Variants in BTBD9 observed in about 807,000 individuals in gnomAD.
The protein encoded by BTBD9 is BTB/POZ domain-containing protein 9.
BTBD9 carries 49 observed loss-of-function variants against 64.3 expected under a neutral mutation model. That is an observed-to-expected ratio of 0.76 (90% CI 0.61 to 0.97). The LOEUF is 0.97. Ranked by LOEUF, BTBD9 falls within the 50% of genes least tolerant of loss-of-function variation. The pLI is 0.00. For missense variants in BTBD9, 598 were observed against 762.1 expected, an observed-to-expected ratio of 0.78 and a Z score of 2.53; for synonymous variants, 260 against 274.7, an observed-to-expected ratio of 0.95 and a Z score of 0.53.
chr6:38,577,782 C>T (rs917877000), intron 5 of BTBD9, 63 bp from the exon 6 acceptor site: 15 of 1,453,686 alleles, frequency 1.0e-5, no homozygotes, highest in African/African-American at 1.4e-5. Flanking sequence ...CAAAGCTGTA[C>T]TTTAATAAAG....
chr6:38,612,050 C>T (rs1185663061), intron 1 of BTBD9, among the ~76,000 whole-genome samples: 2 of 152,196 alleles, frequency 1.3e-5, no homozygotes, highest in Non-Finnish European at 1.5e-5. Context: ...AAAATCTCTA[C>T]ATATCACTAT....
At chr6:38,588,086 G>A in intron 4 of BTBD9, 1 of 731,030 alleles carries the variant, frequency 1.4e-6, no homozygotes, top group Non-Finnish European at 2.5e-6. Flanking sequence ...CCAGCAACAG[G>A]CTAGCTATGG....
At chr6:38,344,425 ATGACAATTCAAAAG>A (rs200733346) in intron 7 of BTBD9, among the ~76,000 whole-genome samples, 2,049 of 152,346 alleles carry the variant, frequency 0.013, 79 homozygotes, top group South Asian at 0.12. Flanking sequence ...GACTTTTGCA[ATGACAATTCAAAAG>A]TGACAATTCA....
chr6:38,202,086 T>G (rs1285187292), intron 9 of BTBD9, among the ~76,000 whole-genome samples: 115 of 57,892 alleles, frequency 2.0e-3, no homozygotes, highest in African/African-American at 0.01. Context: ...GTTTTTTTTG[T>G]TTTTTTTTTT....
At chr6:38,603,526 T>C (rs1449878072) in intron 1 of BTBD9, among the ~76,000 whole-genome samples, 1 of 152,260 alleles carries the variant, frequency 6.6e-6, no homozygotes, top group Non-Finnish European at 1.5e-5. Flanking sequence ...AAAAACCAAG[T>C]TGACCCAAAC....
At chr6:38,396,631 C>A (rs910634015) in intron 6 of BTBD9, among the ~76,000 whole-genome samples, 7 of 152,168 alleles carry the variant, frequency 4.6e-5, no homozygotes, top group Admixed American at 3.9e-4. Context: ...CACTTTAATT[C>A]TTCCTTCAGG....
intron 1 of BTBD9, among the ~76,000 whole-genome samples, chr6:38,623,552 ACT>A (rs1422164662): frequency 3.3e-5 from 5 of 152,282 alleles, no homozygotes; most frequent in African/African-American, 9.6e-5. Context: ...AGAAAGGAGA[ACT>A]CTGCACCTTC....
intron 2 of BTBD9, chr6:38,595,913 T>C: frequency 1.0e-6 from 1 of 985,430 alleles, no homozygotes; most frequent in Non-Finnish European, 1.2e-6. Context: ...CAATCCTGTA[T>C]GATCCATGGT....
intron 9 of BTBD9, among the ~76,000 whole-genome samples, chr6:38,246,064 C>T (rs1168583002): frequency 6.6e-6 from 1 of 152,146 alleles, no homozygotes; most frequent in African/African-American, 2.4e-5. Flanking sequence ...CCTTTAACTT[C>T]CAAATGTTCT....
At chr6:38,621,953 G>A (rs906399498) in intron 1 of BTBD9, among the ~76,000 whole-genome samples, 6 of 152,176 alleles carry the variant, frequency 3.9e-5, no homozygotes, top group Admixed American at 2.0e-4. Flanking sequence ...AAACAGAATG[G>A]GGACTTTCAC....
At chr6:38,425,155 T>A (rs569890727) in intron 6 of BTBD9, among the ~76,000 whole-genome samples, 1 of 141,194 alleles carries the variant, frequency 7.1e-6, no homozygotes, top group South Asian at 2.4e-4. Context: ...CTCTGTCATC[T>A]AGGCTGGAGT....
intron 1 of BTBD9, among the ~76,000 whole-genome samples, chr6:38,604,580 A>AT (rs1777362418): frequency 6.6e-6 from 1 of 152,232 alleles, no homozygotes; most frequent in Non-Finnish European, 1.5e-5. Flanking sequence ...GTAGGACCAG[A>AT]TAACAAGTAA....
At position 38,238,724 on chromosome 6, in the gene BTBD9, C is replaced by T. The variant is rs568008322; in HGVS notation, c.1562+17685G>A. On this transcript the variant is annotated intron_variant, in intron 9 of 10. Coordinates refer to ENST00000481247, the MANE Select transcript of BTBD9 (RefSeq NM_001099272.2). The stretch of plus-strand genomic sequence containing the variant: ...TCCTGACCTGTTGATCCGCCCACCT[C>T]GGCCTCCCAAAGTGCCAGGATTACA... Among the ~76,000 whole-genome samples, 40 of 152,210 alleles carry T rather than the reference C, an allele frequency of 2.6e-4. No homozygotes were observed. In the East Asian group the frequency reaches 5.4e-3, roughly 21 times the overall value.
rs140036764 is a variant in BTBD9 at position 38,439,718 on chromosome 6, C to T, written c.1155-94625G>A. 2.9e-3 allele frequency among the ~76,000 whole-genome samples: 448 copies of T among 152,254 alleles called. 2 individuals are homozygous for T. Among genetic ancestry groups the T allele is most frequent in the African/African-American group, 9.8e-3 (409 of 41,552 alleles). ...CTGAGATTACAGGCGTGAGCCACCA[C>T]ACCTGGCCGCAACTGTGACTTTTAA... is the stretch of plus-strand genomic sequence containing the variant. On this transcript the variant is annotated intron_variant, in intron 6 of 10. Transcript: ENST00000481247.
At chr6:38,448,344 T>C (rs1582447060) in intron 6 of BTBD9, among the ~76,000 whole-genome samples, 1 of 152,252 alleles carries the variant, frequency 6.6e-6, no homozygotes, top group South Asian at 2.1e-4. Flanking sequence ...AAGGTGACGG[T>C]GGGAGATAAA....
intron 6 of BTBD9, among the ~76,000 whole-genome samples, chr6:38,488,435 T>C (rs1771553660): frequency 2.0e-5 from 3 of 152,162 alleles, no homozygotes; most frequent in South Asian, 2.1e-4. Flanking sequence ...AGGAACCGTA[T>C]AGAAACTATG....
intron 6 of BTBD9, among the ~76,000 whole-genome samples, chr6:38,519,025 C>A (rs962111562): frequency 6.6e-6 from 1 of 152,128 alleles, no homozygotes; most frequent in Non-Finnish European, 1.5e-5. Context: ...GAGATAAAAC[C>A]AATACATATG....
chr6:38,590,959 T>G (rs1295073820), intron 4 of BTBD9, among the ~76,000 whole-genome samples: 4 of 152,210 alleles, frequency 2.6e-5, no homozygotes, highest in African/African-American at 4.8e-5. Flanking sequence ...TTTTCCATTT[T>G]CCCTGCCACC....
intron 2 of BTBD9, 161 bp from the exon 3 acceptor site, chr6:38,594,488 A>G: frequency 1.3e-6 from 1 of 778,896 alleles, no homozygotes; most frequent in Non-Finnish European, 1.9e-6. Flanking sequence ...GGTTCTTTAC[A>G]GGACACAAGA....
Sources: allele counts gnomAD v4.1 joint callset (sites outside exome capture counted in the v4.1 genomes callset), GRCh38; gene constraint gnomAD v4.1.1; transcripts MANE v1.5; gene names NCBI Gene and HGNC (gene_info 2026-07-23, HGNC 2026-07-21).